The following MYO5B variants were observed in gnomAD, a reference collection of about 807,000 sequenced individuals.
MYO5B encodes the protein myosin VB.
In MYO5B, 143 loss-of-function variants were observed where a neutral mutation model predicts 229.3. The ratio of observed to expected loss-of-function variants is 0.62; its 90% CI spans 0.54 to 0.72. MYO5B has a LOEUF of 0.72. MYO5B is among the 30% of genes least tolerant of loss of function. The pLI is 0.00. For missense variants in MYO5B, 2,321 were observed against 2,331.0 expected, an observed-to-expected ratio of 1.00 and a Z score of 0.09; for synonymous variants, 918 against 885.2, an observed-to-expected ratio of 1.04 and a Z score of -0.66.
chr18:49,993,386 G>T (rs776553427), intron 5 of MYO5B, among the ~76,000 whole-genome samples: 1 of 151,828 alleles, frequency 6.6e-6, no homozygotes. Flanking sequence ...CACGATGCCC[G>T]GCAGCCATCT....
At chr18:49,968,811 C>T (rs1344261348) in intron 10 of MYO5B, among the ~76,000 whole-genome samples, 3 of 152,180 alleles carry the variant, frequency 2.0e-5, no homozygotes, top group Non-Finnish European at 4.4e-5. Flanking sequence ...TAACCACTCA[C>T]TCAGTACTGA....
At chr18:50,096,353 C>A (rs72917867) in intron 1 of MYO5B, among the ~76,000 whole-genome samples, 20,502 of 152,114 alleles carry the variant, frequency 0.13, 1,465 homozygotes, top group East Asian at 0.23. Context: ...CCCTTTCCCC[C>A]TCTGAAGCAT....
chr18:50,008,250 A>G (rs574107651), intron 4 of MYO5B, among the ~76,000 whole-genome samples: 2 of 152,174 alleles, frequency 1.3e-5, no homozygotes, highest in South Asian at 4.2e-4. Flanking sequence ...CATAGCACTC[A>G]CTATACAGTG....
Position 49,856,802 on chromosome 18 carries a change from A to G in MYO5B, c.4022+11T>C, listed in dbSNP as rs1228483178. Reference sequence around the variant, plus strand: ...ACAAAGCAGACACAGGAAGAAAGGAATATGTTCCACCTGGCAACTTGCTTT... The same window carrying G: ...ACAAAGCAGACACAGGAAGAAAGGAGTATGTTCCACCTGGCAACTTGCTTT... On this transcript the variant is annotated intron_variant, in intron 30 of 39. Coordinates refer to ENST00000285039, the MANE Select transcript of MYO5B (RefSeq NM_001080467.3). The G allele has an allele frequency of 3.1e-6, 5 of 1,608,442 alleles. No individual in the cohort carries two copies. In the South Asian group the frequency reaches 4.4e-5, roughly 14 times the overall value.
chr18:49,929,132 A>T (rs1265862973), intron 17 of MYO5B, among the ~76,000 whole-genome samples: 1 of 152,202 alleles, frequency 6.6e-6, no homozygotes, highest in Non-Finnish European at 1.5e-5. Flanking sequence ...TTTAAAAAGT[A>T]GTTAAGATGG....
rs185041867 is a variant in MYO5B at position 49,987,830 on chromosome 18, C to G, written c.838+2609G>C. Among the ~76,000 whole-genome samples the G allele has an allele frequency of 6.6e-5, 10 of 152,262 alleles. No homozygotes were observed. The East Asian group carries it at 1.9e-3, about 29-fold the overall frequency. On this transcript the variant is annotated intron_variant, in intron 7 of 39. Transcript: ENST00000285039. ...GATGTACCACCAGAGATTGGTGTAT[C>G]TGGAAGGCAGAGATGGGGAGGAAAT...
At chr18:50,024,259 G>T (rs1028961274) in intron 4 of MYO5B, among the ~76,000 whole-genome samples, 45 of 152,188 alleles carry the variant, frequency 3.0e-4, no homozygotes, top group African/African-American at 1.1e-3. Flanking sequence ...AATGTGGCTA[G>T]AGAGACTCTA....
chr18:50,154,051 C>T (rs564321106), intron 1 of MYO5B, among the ~76,000 whole-genome samples: 1 of 152,256 alleles, frequency 6.6e-6, no homozygotes, highest in South Asian at 2.1e-4. Context: ...CCCTTCTCTG[C>T]CTTGGCCAAG....
intron 1 of MYO5B, among the ~76,000 whole-genome samples, chr18:50,092,451 C>A (rs1188422840): frequency 6.6e-6 from 1 of 152,180 alleles, no homozygotes; most frequent in East Asian, 1.9e-4. Flanking sequence ...GCTGCTGCTG[C>A]GTTCTAACAC....
chr18:50,088,491 A>G (rs372303311), intron 1 of MYO5B, among the ~76,000 whole-genome samples: 56 of 152,368 alleles, frequency 3.7e-4, no homozygotes, highest in African/African-American at 1.3e-3. Flanking sequence ...CTTTAAAACA[A>G]TAATTGTGTT....
At chr18:49,923,156 C>G (rs932201393) in intron 17 of MYO5B, among the ~76,000 whole-genome samples, 2 of 152,168 alleles carry the variant, frequency 1.3e-5, no homozygotes, top group African/African-American at 4.8e-5. Flanking sequence ...CATGTTGCTT[C>G]CTGGCAGGCA....
intron 8 of MYO5B, among the ~76,000 whole-genome samples, chr18:49,983,215 C>A (rs749664203): frequency 6.6e-6 from 1 of 152,208 alleles, no homozygotes; most frequent in Admixed American, 6.5e-5. Context: ...GGTAGAATGT[C>A]AAGCTTGCTC....
chr18:50,190,429 T>C lies in MYO5B; in HGVS notation c.27+4338A>G, dbSNP rs546522088. 3.9e-5 allele frequency among the ~76,000 whole-genome samples: 6 copies of C among 152,310 alleles called. No homozygotes were observed. The East Asian group carries it at 9.7e-4, about 25-fold the overall frequency. ...AACAGAGACCATCATCAGCTCCACC[T>C]TTGGAGCTGATGTGAGAGTGAATGA... On this transcript the variant is annotated intron_variant, in intron 1 of 39. Coordinates refer to ENST00000285039, the MANE Select transcript of MYO5B (RefSeq NM_001080467.3).
At chr18:49,940,578 C>T (rs780725539) in intron 14 of MYO5B, among the ~76,000 whole-genome samples, 10 of 152,208 alleles carry the variant, frequency 6.6e-5, no homozygotes, top group South Asian at 2.1e-4. Context: ...ACCCAGGTCA[C>T]GTCCAAGGAG....
chr18:49,866,353 G>C (rs548294922), intron 27 of MYO5B, among the ~76,000 whole-genome samples: 1 of 152,120 alleles, frequency 6.6e-6, no homozygotes, highest in Non-Finnish European at 1.5e-5. Context: ...ACAGGCATGA[G>C]CCGCCACGCC....
rs191845796 is a variant in MYO5B at position 50,037,758 on chromosome 18, T to C, written c.311-764A>G. Among the ~76,000 whole-genome samples, 4 of 152,254 alleles carry C rather than the reference T, an allele frequency of 2.6e-5. 1 individual carries two copies. Among genetic ancestry groups the C allele is most frequent in the Admixed American group, 1.3e-4 (2 of 15,292 alleles). ...CTACAAAAAAAGTATTAGCTGGGCATGGTGGCATGGACCTGTAGTCCCAGC... is the reference window on the plus strand; with the variant it reads ...CTACAAAAAAAGTATTAGCTGGGCACGGTGGCATGGACCTGTAGTCCCAGC... On this transcript the variant is annotated intron_variant, in intron 3 of 39. Transcript: ENST00000285039.
intron 1 of MYO5B, among the ~76,000 whole-genome samples, chr18:50,190,934 T>A (rs2033217847): frequency 6.6e-6 from 1 of 152,356 alleles, no homozygotes. Flanking sequence ...ACATAATACA[T>A]TGATGTGTGT....
intron 9 of MYO5B, 37 bp downstream of exon 9, chr18:49,980,406 TG>T (rs2025801056): frequency 7.2e-7 from 1 of 1,392,384 alleles, no homozygotes; most frequent in Non-Finnish European, 1.0e-6. Flanking sequence ...CAGGGTAAAT[TG>T]TGTTCATTTT....
chr18:49,891,290 C>T (rs190501911), intron 22 of MYO5B, among the ~76,000 whole-genome samples: 3 of 152,280 alleles, frequency 2.0e-5, no homozygotes, highest in African/African-American at 7.2e-5. Context: ...CCTTCTGTGG[C>T]CATCAAAAGT....
Sources: gnomAD v4.1 joint callset for allele counts (sites outside exome capture counted in the v4.1 genomes callset) on GRCh38, gnomAD v4.1.1 for gene constraint, MANE v1.5 for transcripts, NCBI Gene and HGNC (gene_info 2026-07-23, HGNC 2026-07-21) for gene names.